MAGI2: variants seen among roughly 807,000 people sequenced by gnomAD.
MAGI2 encodes the protein membrane-associated guanylate kinase, WW and PDZ domain-containing protein 2.
A neutral mutation model predicts 133.3 loss-of-function variants in MAGI2; 35 were observed. The ratio of observed to expected loss-of-function variants is 0.26; its 90% confidence interval spans 0.20 to 0.35. MAGI2 has a LOEUF of 0.35. Ranked by LOEUF, MAGI2 falls within the 10% of genes least tolerant of loss-of-function variation. MAGI2 has a pLI of 1.00. For missense variants in MAGI2, 1,636 were observed against 1,863.4 expected (o/e 0.88, Z 2.25); for synonymous variants, 729 against 710.6 (o/e 1.03, Z -0.41).
intron 1 of MAGI2, among the ~76,000 whole-genome samples, chr7:79,330,739 G>T (rs930733816): frequency 1.1e-4 from 16 of 151,894 alleles, no homozygotes; most frequent in African/African-American, 3.9e-4. Context: ...GCCAAAGATT[G>T]TTGTGAGGAT....
intron 2 of MAGI2, among the ~76,000 whole-genome samples, chr7:78,817,553 A>C (rs12536510): frequency 0.13 from 20,351 of 152,124 alleles, 1,403 homozygotes; most frequent in East Asian, 0.18. Flanking sequence ...ATCAGTTAGC[A>C]GCCATCCACA....
intron 1 of MAGI2, among the ~76,000 whole-genome samples, chr7:79,252,622 A>G (rs1409100153): frequency 6.6e-6 from 1 of 152,238 alleles, no homozygotes; most frequent in Non-Finnish European, 1.5e-5. Flanking sequence ...TGTTTGTAAC[A>G]CAACGAATGA....
At chr7:79,194,981 T>G (rs1475172506) in intron 1 of MAGI2, among the ~76,000 whole-genome samples, 1 of 152,004 alleles carries the variant, frequency 6.6e-6, no homozygotes. Context: ...AAAGTTCATT[T>G]AGGAGAAGCT....
chr7:78,776,242 T>C (rs1374400567), intron 2 of MAGI2, among the ~76,000 whole-genome samples: 2 of 152,260 alleles, frequency 1.3e-5, no homozygotes, highest in African/African-American at 2.4e-5. Flanking sequence ...AATGACACTT[T>C]CCTTGTCCAG....
chr7:78,855,047 C>A (rs780061102), intron 2 of MAGI2, among the ~76,000 whole-genome samples: 3 of 151,624 alleles, frequency 2.0e-5, no homozygotes. Flanking sequence ...TGTAGAGATG[C>A]GGTTTCGCCA....
chr7:79,306,050 A>G (rs1210380741), intron 1 of MAGI2, among the ~76,000 whole-genome samples: 1 of 145,034 alleles, frequency 6.9e-6, no homozygotes, highest in African/African-American at 2.6e-5. Flanking sequence ...TCTGTTGCCC[A>G]GGTTGGAGTG....
intron 1 of MAGI2, among the ~76,000 whole-genome samples, chr7:79,025,939 T>C (rs1012868053): frequency 8.5e-5 from 13 of 152,236 alleles, no homozygotes; most frequent in Admixed American, 2.0e-4. Flanking sequence ...ACTATGACAG[T>C]GAATTATATT....
At chr7:78,430,984 T>C (rs935201271) in intron 6 of MAGI2, among the ~76,000 whole-genome samples, 1 of 152,054 alleles carries the variant, frequency 6.6e-6, no homozygotes, top group Non-Finnish European at 1.5e-5. Context: ...TGCCTGAGCA[T>C]ATATTATTTA....
chr7:79,223,150 G>C (rs1360205431), intron 1 of MAGI2, among the ~76,000 whole-genome samples: 1 of 152,036 alleles, frequency 6.6e-6, no homozygotes, highest in Non-Finnish European at 1.5e-5. Flanking sequence ...CTCCCAAAGT[G>C]CTGGGATTAT....
At chr7:78,422,814 A>C (rs1003316335) in intron 6 of MAGI2, among the ~76,000 whole-genome samples, 3 of 152,306 alleles carry the variant, frequency 2.0e-5, no homozygotes, top group Admixed American at 6.5e-5. Flanking sequence ...CTAGTCTTGC[A>C]CAAAACAGAC....
chr7:78,600,565 T>G (rs570968024), intron 3 of MAGI2, among the ~76,000 whole-genome samples: 19 of 152,128 alleles, frequency 1.2e-4, no homozygotes, highest in Admixed American at 2.6e-4. Context: ...TTGGGAAATG[T>G]GGCAATACAT....
chr7:79,109,095 C>T (rs1044726901), intron 1 of MAGI2, among the ~76,000 whole-genome samples: 3 of 152,158 alleles, frequency 2.0e-5, no homozygotes, highest in African/African-American at 7.2e-5. Context: ...TATTTTGTTA[C>T]AGCAATGCAA....
intron 8 of MAGI2, among the ~76,000 whole-genome samples, chr7:78,344,937 T>C (rs960936404): frequency 1.3e-5 from 2 of 152,232 alleles, no homozygotes; most frequent in African/African-American, 2.4e-5. Flanking sequence ...AAATATTTTA[T>C]ATGATTCTTT....
intron 1 of MAGI2, among the ~76,000 whole-genome samples, chr7:79,065,483 C>A (rs956106713): frequency 1.5e-4 from 23 of 151,996 alleles, no homozygotes; most frequent in Non-Finnish European, 2.6e-4. Flanking sequence ...CAAGAACTTG[C>A]AGTTTATTGT....
chr7:78,930,836 C>G (rs1800055924), intron 2 of MAGI2, among the ~76,000 whole-genome samples: 1 of 152,046 alleles, frequency 6.6e-6, no homozygotes, highest in Non-Finnish European at 1.5e-5. Context: ...TTCCTATTCT[C>G]CTCACTTAAG....
chr7:79,251,064 T>C (rs2129555664), intron 1 of MAGI2, among the ~76,000 whole-genome samples: 1 of 152,244 alleles, frequency 6.6e-6, no homozygotes, highest in South Asian at 2.1e-4. Context: ...GACCCTTACA[T>C]CTTGCCATAT....
chr7:78,847,815 T>A (rs1334949436), intron 2 of MAGI2, among the ~76,000 whole-genome samples: 1 of 151,990 alleles, frequency 6.6e-6, no homozygotes, highest in Non-Finnish European at 1.5e-5. Flanking sequence ...TTTGTTTGTT[T>A]GTTTGTTTAT....
At chr7:79,421,718 C>T (rs574558594) in intron 1 of MAGI2, among the ~76,000 whole-genome samples, 8 of 151,982 alleles carry the variant, frequency 5.3e-5, no homozygotes, top group African/African-American at 1.9e-4. Context: ...ACAGCCATTA[C>T]TCTGAAAAGA....
At chr7:78,671,810 C>T (rs903450431) in intron 2 of MAGI2, among the ~76,000 whole-genome samples, 2 of 152,060 alleles carry the variant, frequency 1.3e-5, no homozygotes, top group African/African-American at 4.8e-5. Flanking sequence ...TTATTTAAAA[C>T]CAAATCATGA....
Sources: allele counts gnomAD v4.1 joint callset (sites outside exome capture counted in the v4.1 genomes callset), GRCh38; gene constraint gnomAD v4.1.1; transcripts MANE v1.5; gene names NCBI Gene and HGNC (gene_info 2026-07-23, HGNC 2026-07-21).